CPA6: variants seen among roughly 807,000 people sequenced by gnomAD.
CPA6 encodes carboxypeptidase B.
A neutral mutation model predicts 63.3 loss-of-function variants in CPA6; 58 were observed. The ratio of observed to expected loss-of-function variants is 0.92; its 90% CI spans 0.74 to 1.14. CPA6 has a LOEUF of 1.14. Among genes scored for constraint, CPA6 ranks in the 50% most tolerant of loss-of-function variants. The pLI is 0.00. For missense variants in CPA6, 565 were observed against 526.6 expected, an observed-to-expected ratio of 1.07 and a Z score of -0.71; for synonymous variants, 185 against 179.0, an observed-to-expected ratio of 1.03 and a Z score of -0.27.
At chr8:67,569,519 T>A in intron 2 of CPA6, 1 of 447,180 alleles carries the variant, frequency 2.2e-6, no homozygotes, top group Admixed American at 2.3e-5. Flanking sequence ...GATGAATCAG[T>A]ACCAGAGCTT....
intron 5 of CPA6, 74 bp downstream of exon 5, chr8:67,509,443 C>T: frequency 1.4e-6 from 1 of 693,172 alleles, no homozygotes; most frequent in Non-Finnish European, 2.5e-6. Context: ...CATTTCTTTT[C>T]CCATAGGTTA....
intron 1 of CPA6, among the ~76,000 whole-genome samples, chr8:67,644,058 GGGTTGGCAGTACCTTAAAGACCGCAT>G (rs1222624347): frequency 6.6e-6 from 1 of 152,068 alleles, no homozygotes; most frequent in Non-Finnish European, 1.5e-5. Context: ...AGATTGAGGG[GGGTTGGCAGTACCTTAAAGACCGCAT>G]GGTTGCCATT....
intron 2 of CPA6, among the ~76,000 whole-genome samples, chr8:67,527,075 A>G (rs1462938081): frequency 6.6e-6 from 1 of 152,224 alleles, no homozygotes; most frequent in African/African-American, 2.4e-5. Flanking sequence ...TGACCCATTA[A>G]GAAGTACATT....
intron 1 of CPA6, among the ~76,000 whole-genome samples, chr8:67,725,411 A>G (rs1817578593): frequency 6.6e-6 from 1 of 152,216 alleles, no homozygotes; most frequent in Non-Finnish European, 1.5e-5. Flanking sequence ...GAACTTTGAG[A>G]TCATCATCAC....
intron 1 of CPA6, among the ~76,000 whole-genome samples, chr8:67,644,267 C>T (rs191482230): frequency 3.9e-5 from 6 of 152,208 alleles, no homozygotes; most frequent in East Asian, 3.9e-4. Flanking sequence ...TACAGGCGCC[C>T]GCCACCACGC....
At chr8:67,483,565 C>T in intron 8 of CPA6, 2 of 576,630 alleles carry the variant, frequency 3.5e-6, no homozygotes, top group Non-Finnish European at 6.2e-6. Flanking sequence ...TATTTAAAAT[C>T]CTTGATTTTT....
At chr8:67,438,313 A>G (rs1343810536) in intron 8 of CPA6, among the ~76,000 whole-genome samples, 2 of 152,260 alleles carry the variant, frequency 1.3e-5, no homozygotes, top group Non-Finnish European at 2.9e-5. Flanking sequence ...GACAAATTAT[A>G]GTGAAATTTA....
chr8:67,539,209 C>G (rs954367996), intron 2 of CPA6, among the ~76,000 whole-genome samples: 2 of 152,068 alleles, frequency 1.3e-5, no homozygotes, highest in African/African-American at 4.8e-5. Flanking sequence ...ACAAAGTGCC[C>G]AGAGTTTACT....
At position 67,706,983 on chromosome 8, in the gene CPA6, G is replaced by A. The variant is rs544857993; in HGVS notation, c.116+39031C>T. 1.0e-3 allele frequency among the ~76,000 whole-genome samples: 157 copies of A among 152,264 alleles called. 1 individual carries two copies. The highest frequency in any genetic ancestry group is 1.4e-3 in the Non-Finnish European group (95 of 68,012). ...TGATATAATTTAGTATATGTTATCA[G>A]TAATAATTATCATTGTTATGTTAAA... On this transcript the variant is annotated intron_variant, in intron 1 of 10. Coordinates refer to ENST00000297770, the MANE Select transcript of CPA6 (RefSeq NM_020361.5).
chr8:67,571,507 TC>T (rs1336398992), intron 2 of CPA6, among the ~76,000 whole-genome samples: 1 of 152,188 alleles, frequency 6.6e-6, no homozygotes, highest in East Asian at 1.9e-4. Flanking sequence ...AAATATTTTT[TC>T]AACCATAACG....
At chr8:67,552,617 CA>C (rs1587551810) in intron 2 of CPA6, among the ~76,000 whole-genome samples, 1 of 151,250 alleles carries the variant, frequency 6.6e-6, no homozygotes, top group East Asian at 1.9e-4. Context: ...ACTAAAAATA[CA>C]AAAAATTAGC....
chr8:67,677,145 C>T (rs543274359), intron 1 of CPA6, among the ~76,000 whole-genome samples: 1 of 152,218 alleles, frequency 6.6e-6, no homozygotes, highest in South Asian at 2.1e-4. Flanking sequence ...ACCCAGAGGT[C>T]CTGGAATCTG....
chr8:67,504,666 C>A (rs1415968685), intron 6 of CPA6, among the ~76,000 whole-genome samples: 2 of 152,204 alleles, frequency 1.3e-5, no homozygotes, highest in Non-Finnish European at 1.5e-5. Context: ...CACACATCCT[C>A]ATGCCCAGGG....
At chr8:67,466,245 T>C (rs1360798897) in intron 8 of CPA6, among the ~76,000 whole-genome samples, 1 of 152,150 alleles carries the variant, frequency 6.6e-6, no homozygotes, top group African/African-American at 2.4e-5. Context: ...TTTGTGTGCA[T>C]AGAGGTGCTC....
chr8:67,662,510 AATAC>A lies in CPA6; in HGVS notation c.117-38263_117-38260del, dbSNP rs1337736373. Among the ~76,000 whole-genome samples, 4 of 103,132 alleles carry A rather than the reference AATAC, an allele frequency of 3.9e-5. No homozygotes were observed. The East Asian group carries it at 1.1e-3, about 28-fold the overall frequency. The allele number at this position is 103,132 out of a possible 152,430, so 67.7% of individuals were successfully genotyped here. ...AATACATACACATGTATATGTATAT[AATAC>A]ATACACACGTATATGTATATATAGA... On this transcript the variant is annotated intron_variant, in intron 1 of 10. Transcript: ENST00000297770.
rs576201330 is a variant in CPA6, at chr8:67,428,158, T to C, written c.1042-27A>G. On this transcript the variant is annotated intron_variant, in intron 9 of 10. Transcript: ENST00000297770. ...TATGAGGGAAAATGGGGAAATTTTATATATTGTTGCATTGAAACTTTTAGA... is the reference window on the plus strand; with the variant it reads ...TATGAGGGAAAATGGGGAAATTTTACATATTGTTGCATTGAAACTTTTAGA... The C allele has an allele frequency of 1.5e-5, 22 of 1,432,810 alleles. No individual in the cohort carries two copies. In the Middle Eastern group the frequency reaches 5.2e-4, roughly 34 times the overall value. 88.8% of individuals were successfully genotyped at this position (1,432,810 alleles called of 1,614,324 possible). A position where few individuals can be genotyped will look rare whatever the true frequency, so the allele number is the denominator to read the frequency against.
intron 1 of CPA6, among the ~76,000 whole-genome samples, chr8:67,713,534 G>A (rs1426973406): frequency 1.3e-5 from 2 of 152,114 alleles, no homozygotes; most frequent in Admixed American, 1.3e-4. Context: ...AAAGAGTGAG[G>A]AGAAACCTCT....
intron 3 of CPA6, among the ~76,000 whole-genome samples, chr8:67,514,730 T>C (rs1812108428): frequency 6.6e-6 from 1 of 152,240 alleles, no homozygotes; most frequent in Non-Finnish European, 1.5e-5. Flanking sequence ...CTAACCGGTA[T>C]ATTCTTTTCT....
At chr8:67,480,354 C>T (rs952072342) in intron 8 of CPA6, among the ~76,000 whole-genome samples, 1 of 151,990 alleles carries the variant, frequency 6.6e-6, no homozygotes, top group South Asian at 2.1e-4. Flanking sequence ...CCTAATTTTC[C>T]CCTCTCCTCA....
Sources: allele counts gnomAD v4.1 joint callset (sites outside exome capture counted in the v4.1 genomes callset), GRCh38; gene constraint gnomAD v4.1.1; transcripts MANE v1.5; gene names NCBI Gene and HGNC (gene_info 2026-07-23, HGNC 2026-07-21).